Variants in FRMD4A observed in about 807,000 individuals in gnomAD.
The protein encoded by FRMD4A is FERM domain containing 4A.
FRMD4A carries 29 observed loss-of-function variants against 129.1 expected under a neutral mutation model. The ratio of observed to expected loss-of-function variants is 0.22; its 90% CI spans 0.17 to 0.31. FRMD4A has a LOEUF of 0.31. Ranked by LOEUF, FRMD4A falls within the 10% of genes least tolerant of loss-of-function variation. The pLI is 1.00. For missense variants in FRMD4A, 1,272 were observed against 1,375.8 expected (o/e 0.92, Z 1.19); for synonymous variants, 634 against 571.6 (o/e 1.11, Z -1.56).
At chr10:14,187,240 C>A (rs1207297350) in intron 2 of FRMD4A, among the ~76,000 whole-genome samples, 1 of 152,166 alleles carries the variant, frequency 6.6e-6, no homozygotes, top group Non-Finnish European at 1.5e-5. Flanking sequence ...GATGTGATTT[C>A]TTAAAGGCAT....
At chr10:13,685,397 T>A (rs2084976148) in intron 15 of FRMD4A, 3 of 985,000 alleles carry the variant, frequency 3.0e-6, no homozygotes, top group South Asian at 4.7e-5. Flanking sequence ...ACATTCATTT[T>A]AAAAAATTAG....
intron 2 of FRMD4A, among the ~76,000 whole-genome samples, chr10:13,881,177 A>G (rs2094542275): frequency 1.3e-5 from 2 of 150,742 alleles, no homozygotes; most frequent in African/African-American, 4.9e-5. Context: ...CAGAGCTTTG[A>G]GAGGCTGAAG....
intron 2 of FRMD4A, among the ~76,000 whole-genome samples, chr10:14,000,667 A>AAAAAAAAAAAAAAAAAAAAG (rs200369296): frequency 9.4e-6 from 1 of 106,826 alleles, no homozygotes; most frequent in Non-Finnish European, 2.0e-5. Context: ...AAAAAAAAAA[A>AAAAAAAAAAAAAAAAAAAAG]AGAGAAGAAA....
chr10:13,841,291 G>T (rs1399907429), intron 3 of FRMD4A, among the ~76,000 whole-genome samples: 1 of 152,164 alleles, frequency 6.6e-6, no homozygotes. Context: ...TTTTGTCCCT[G>T]ATTTTGGGGA....
chr10:14,102,652 GC>G, intron 2 of FRMD4A, among the ~76,000 whole-genome samples: 1 of 152,192 alleles, frequency 6.6e-6, no homozygotes, highest in East Asian at 1.9e-4. Context: ...CTTCAGAGAA[GC>G]TTTTCCTTGT....
intron 11 of FRMD4A, among the ~76,000 whole-genome samples, chr10:13,738,924 C>G (rs1047317179): frequency 2.6e-5 from 4 of 152,138 alleles, no homozygotes; most frequent in Non-Finnish European, 5.9e-5. Flanking sequence ...CCTGCCCCCA[C>G]TGTTTATTAA....
At chr10:13,748,128 C>G (rs1277294539) in intron 8 of FRMD4A, among the ~76,000 whole-genome samples, 1 of 152,130 alleles carries the variant, frequency 6.6e-6, no homozygotes, top group Non-Finnish European at 1.5e-5. Context: ...CTGAGCAGCC[C>G]TCAGCAGGAA....
rs1195862494 is a variant in FRMD4A at position 13,693,446 on chromosome 10, G to C, written c.1117+452C>G. The C allele has an allele frequency of 4.0e-6, 4 of 995,650 alleles. No homozygotes were observed. The African/African-American group carries it at 7.0e-5, about 18-fold the overall frequency. The allele number at this position is 995,650 out of a possible 1,614,324, so 61.7% of individuals were successfully genotyped here. On this transcript the variant is annotated intron_variant, in intron 15 of 24. Coordinates refer to ENST00000357447, the MANE Select transcript of FRMD4A (RefSeq NM_018027.5). ...ATCATGCCCTGCGACACGATGGAGA[G>C]AGTATTCCGCATTTTTAAAAGCCGG... is the stretch of plus-strand genomic sequence containing the variant.
chr10:14,133,967 G>T (rs1245862283), intron 2 of FRMD4A, among the ~76,000 whole-genome samples: 1 of 152,186 alleles, frequency 6.6e-6, no homozygotes, highest in Non-Finnish European at 1.5e-5. Flanking sequence ...AGAAGAACTT[G>T]TTTCTTGGTA....
At chr10:13,709,995 C>T (rs2087853518) in intron 12 of FRMD4A, among the ~76,000 whole-genome samples, 1 of 152,144 alleles carries the variant, frequency 6.6e-6, no homozygotes, top group Admixed American at 6.5e-5. Flanking sequence ...GCAGTGTACA[C>T]TGAACCCACC....
At chr10:13,737,632 T>G (rs928470681) in intron 12 of FRMD4A, among the ~76,000 whole-genome samples, 1 of 152,012 alleles carries the variant, frequency 6.6e-6, no homozygotes, top group Non-Finnish European at 1.5e-5. Flanking sequence ...TATAACAGCT[T>G]AGATTTCCTT....
At chr10:13,912,221 A>G (rs111371143) in intron 2 of FRMD4A, among the ~76,000 whole-genome samples, 8 of 152,306 alleles carry the variant, frequency 5.3e-5, no homozygotes, top group South Asian at 2.1e-4. Flanking sequence ...GCAGCTTCCT[A>G]CAGTAGCAGT....
intron 21 of FRMD4A, among the ~76,000 whole-genome samples, chr10:13,658,156 A>AAT (rs2082337015): frequency 6.7e-6 from 1 of 148,774 alleles, no homozygotes; most frequent in African/African-American, 2.5e-5. Context: ...AAAAAAAAAA[A>AAT]AGAAAACACA....
chr10:13,695,644 C>T (rs929137830), intron 14 of FRMD4A, among the ~76,000 whole-genome samples: 1 of 152,258 alleles, frequency 6.6e-6, no homozygotes, highest in Non-Finnish European at 1.5e-5. Flanking sequence ...ACTTGCTCAT[C>T]TGTCCTTTCT....
At chr10:13,864,074 C>A (rs2094330861) in intron 2 of FRMD4A, among the ~76,000 whole-genome samples, 1 of 152,038 alleles carries the variant, frequency 6.6e-6, no homozygotes, top group African/African-American at 2.4e-5. Flanking sequence ...CGGCTCACTG[C>A]AACCTCCACC....
chr10:14,313,532 T>C (rs1429437315), intron 2 of FRMD4A, among the ~76,000 whole-genome samples: 1 of 152,238 alleles, frequency 6.6e-6, no homozygotes, highest in African/African-American at 2.4e-5. Context: ...ACTGAAATTA[T>C]AATGCTTACG....
At chr10:13,849,368 C>A (rs2094107894) in intron 3 of FRMD4A, among the ~76,000 whole-genome samples, 1 of 152,202 alleles carries the variant, frequency 6.6e-6, no homozygotes, top group Non-Finnish European at 1.5e-5. Context: ...ACAATGAGCC[C>A]ACCTGCCCAC....
At chr10:13,810,758 TTC>T in intron 4 of FRMD4A, 54 bp downstream of exon 4, 1 of 914,448 alleles carries the variant, frequency 1.1e-6, no homozygotes, top group South Asian at 1.4e-5. Context: ...GTGGAGCAGT[TTC>T]GGGTTCTGCA....
intron 2 of FRMD4A, among the ~76,000 whole-genome samples, chr10:14,044,783 C>G (rs1833917818): frequency 6.6e-6 from 1 of 152,224 alleles, no homozygotes; most frequent in Non-Finnish European, 1.5e-5. Context: ...GAAAGTAATA[C>G]AGCTACCACC....
Sources: gnomAD v4.1 joint callset for allele counts (sites outside exome capture counted in the v4.1 genomes callset) on GRCh38, gnomAD v4.1.1 for gene constraint, MANE v1.5 for transcripts, NCBI Gene and HGNC (gene_info 2026-07-23, HGNC 2026-07-21) for gene names.